Variants in BBX observed in about 807,000 individuals in gnomAD.
BBX encodes the protein HMG box transcription factor BBX.
A neutral mutation model predicts 100.2 loss-of-function variants in BBX; 30 were observed. The observed-to-expected ratio is 0.30, with a 90% CI of 0.22 to 0.41. BBX has a LOEUF of 0.41. Among genes scored for constraint, BBX ranks in the 10% least tolerant of loss-of-function variants. BBX has a pLI of 1.00. For synonymous variants in BBX, 376 were observed against 388.1 expected (o/e 0.97, Z 0.37); for missense variants, 1,023 against 1,129.8 (o/e 0.91, Z 1.35).
At chr3:107,723,414 A>T (rs1025017927) in intron 5 of BBX, among the ~76,000 whole-genome samples, 5 of 151,500 alleles carry the variant, frequency 3.3e-5, no homozygotes, top group Non-Finnish European at 5.9e-5. Context: ...TTATTTTTTT[A>T]ATTTTTTTTA....
rs879619864 is a variant in BBX at position 107,529,824 on chromosome 3, A to AT, written c.-84+3439dup. Among the ~76,000 whole-genome samples the AT allele has an allele frequency of 1.8e-3, 262 of 144,238 alleles. 1 individual carries two copies. Among genetic ancestry groups the AT allele is most frequent in the East Asian group, 9.0e-3 (45 of 5,004 alleles). The allele number at this position is 144,238 out of a possible 152,430, so 94.6% of individuals were successfully genotyped here. On this transcript the variant is annotated intron_variant, in intron 2 of 17. Transcript: ENST00000325805. ...TCATGTATTAATGGGGATTGTCTTC[A>AT]TTTTTTTTTTTTTGCTTTCAAGGAA...
intron 2 of BBX, among the ~76,000 whole-genome samples, chr3:107,545,148 G>A (rs2049141495): frequency 6.6e-6 from 1 of 152,024 alleles, no homozygotes; most frequent in Admixed American, 6.6e-5. Flanking sequence ...CCAATTTAAT[G>A]TATTTTCCAA....
intron 10 of BBX, among the ~76,000 whole-genome samples, chr3:107,758,408 A>G (rs1201313486): frequency 2.0e-5 from 3 of 152,218 alleles, no homozygotes; most frequent in Non-Finnish European, 2.9e-5. Context: ...GTGGATAAAT[A>G]GAAAATAGAT....
Position 107,733,007 on chromosome 3 carries a change from C to A in BBX, c.653C>A (p.Ala218Asp). The change falls in exon 7 of 18, where the codon GCT becomes GAT. Residue 218 changes from alanine (A) to aspartate (D), a missense_variant. By Grantham distance (126) the Ala-to-Asp change is moderately radical. Transcript: ENST00000325805. ...ATGCTGCTGTTAGCTGGAGAACATG[C>A]TCTTGGCACACCAGAGGTAAGCCAG... ...LSMLLLAGEH[A>D]LGTPEVSSGT... 1 of 1,613,082 alleles carries A rather than the reference C, an allele frequency of 6.2e-7. No individual in the cohort carries two copies. The highest frequency in any genetic ancestry group is 2.2e-5 in the East Asian group (1 of 44,788).
chr3:107,588,270 G>A (rs1436806332), intron 2 of BBX, among the ~76,000 whole-genome samples: 2 of 151,506 alleles, frequency 1.3e-5, no homozygotes, highest in Admixed American at 6.6e-5. Context: ...CCTTGAGGAG[G>A]TAGAGAAAGG....
chr3:107,648,190 T>G (rs2057639136), intron 3 of BBX, among the ~76,000 whole-genome samples: 1 of 152,184 alleles, frequency 6.6e-6, no homozygotes. Flanking sequence ...GTCAAATTGT[T>G]TGACCATGAA....
intron 7 of BBX, among the ~76,000 whole-genome samples, chr3:107,741,474 T>A (rs866029110): frequency 6.6e-6 from 1 of 152,222 alleles, no homozygotes; most frequent in Non-Finnish European, 1.5e-5. Context: ...ATTTTTGTTT[T>A]TGGGCATATA....
intron 2 of BBX, among the ~76,000 whole-genome samples, chr3:107,612,972 C>A (rs1392048278): frequency 6.6e-6 from 1 of 152,138 alleles, no homozygotes; most frequent in Non-Finnish European, 1.5e-5. Context: ...CAAAGTCCTT[C>A]TCACTCTTCC....
At chr3:107,651,906 A>G (rs1056428854) in intron 3 of BBX, among the ~76,000 whole-genome samples, 1 of 152,092 alleles carries the variant, frequency 6.6e-6, no homozygotes, top group Admixed American at 6.5e-5. Context: ...GCCTGTAGCC[A>G]TGGTTTTTAG....
At chr3:107,790,765 C>A (rs1056427299) in intron 14 of BBX, among the ~76,000 whole-genome samples, 10 of 152,158 alleles carry the variant, frequency 6.6e-5, no homozygotes, top group African/African-American at 2.4e-4. Context: ...TTGAATGAGG[C>A]TTTAAACGCA....
At chr3:107,565,502 ACT>A (rs2050827255) in intron 2 of BBX, among the ~76,000 whole-genome samples, 1 of 147,460 alleles carries the variant, frequency 6.8e-6, no homozygotes, top group Non-Finnish European at 1.5e-5. Flanking sequence ...ACGGAGTCTC[ACT>A]CTGTTGCCCA....
At chr3:107,801,381 T>C in intron 17 of BBX, 100 bp downstream of exon 17, 1 of 1,336,626 alleles carries the variant, frequency 7.5e-7, no homozygotes. Context: ...GGTTCAAACT[T>C]GGTTCAAGAG....
chr3:107,534,950 A>G (rs181553374), intron 2 of BBX, among the ~76,000 whole-genome samples: 28 of 152,356 alleles, frequency 1.8e-4, no homozygotes, highest in African/African-American at 6.5e-4. Flanking sequence ...AGGGAGAAAG[A>G]TAATCTGGAC....
chr3:107,528,506 T>C (rs890310231), intron 2 of BBX, among the ~76,000 whole-genome samples: 1 of 152,218 alleles, frequency 6.6e-6, no homozygotes, highest in Non-Finnish European at 1.5e-5. Flanking sequence ...TTGATCTTCG[T>C]ATCCATTTTT....
intron 10 of BBX, among the ~76,000 whole-genome samples, chr3:107,765,965 CTG>C (rs898193989): frequency 2.7e-5 from 4 of 145,610 alleles, no homozygotes; most frequent in Admixed American, 7.0e-5. Context: ...AATAGACAAA[CTG>C]TGGAATTTAC....
At chr3:107,709,722 C>A (rs1272763307) in intron 3 of BBX, among the ~76,000 whole-genome samples, 1 of 152,284 alleles carries the variant, frequency 6.6e-6, no homozygotes, top group South Asian at 2.1e-4. Context: ...GGGCAAACCT[C>A]GTTTTATGCT....
chr3:107,605,150 A>G (rs1367398887), intron 2 of BBX, among the ~76,000 whole-genome samples: 1 of 152,210 alleles, frequency 6.6e-6, no homozygotes, highest in Non-Finnish European at 1.5e-5. Flanking sequence ...TGTTGTATCT[A>G]TCATAACATT....
intron 7 of BBX, among the ~76,000 whole-genome samples, chr3:107,742,457 TCCACTATA>T (rs1294284483): frequency 6.6e-6 from 1 of 152,166 alleles, no homozygotes; most frequent in African/African-American, 2.4e-5. Flanking sequence ...TTGTGCTGTT[TCCACTATA>T]CTATACTGAA....
At chr3:107,747,157 C>T (rs886263081) in intron 8 of BBX, among the ~76,000 whole-genome samples, 1 of 152,092 alleles carries the variant, frequency 6.6e-6, no homozygotes. Flanking sequence ...CAACTGGAAA[C>T]AAAAGGTCCC....
Sources: gnomAD v4.1 joint callset for allele counts (sites outside exome capture counted in the v4.1 genomes callset) on GRCh38, gnomAD v4.1.1 for gene constraint, MANE v1.5 for transcripts, NCBI Gene and HGNC (gene_info 2026-07-23, HGNC 2026-07-21) for gene names.